SYTL2: variants seen among roughly 807,000 people sequenced by gnomAD.
SYTL2 encodes synaptotagmin-like protein 2.
SYTL2 carries 165 observed loss-of-function variants against 198.7 expected under a neutral mutation model. That is an observed-to-expected ratio of 0.83 (90% CI 0.73 to 0.94). SYTL2 has a LOEUF of 0.94. SYTL2 is among the 40% of genes least tolerant of loss of function. The probability of loss-of-function intolerance (pLI) is 0.00; values close to 1 mark genes in which losing one functional copy is unlikely to be tolerated. For missense variants in SYTL2, 2,835 were observed against 2,582.8 expected, an observed-to-expected ratio of 1.10 and a Z score of -2.12; for synonymous variants, 966 against 917.7, an observed-to-expected ratio of 1.05 and a Z score of -0.95.
chr11:85,721,611 CATTT>C (rs1231547892), intron 8 of SYTL2, among the ~76,000 whole-genome samples: 3 of 152,114 alleles, frequency 2.0e-5, no homozygotes, highest in African/African-American at 7.2e-5. Context: ...TAAGTACTGA[CATTT>C]ATTACTGCTG....
intron 2 of SYTL2, among the ~76,000 whole-genome samples, chr11:85,749,952 T>A (rs2091413216): frequency 6.6e-6 from 1 of 152,166 alleles, no homozygotes; most frequent in Admixed American, 6.5e-5. Flanking sequence ...TGGAGGAATA[T>A]CAGATGAGGC....
chr11:85,812,399 T>A (rs2093046743), upstream of SYTL2, among the ~76,000 whole-genome samples: 1 of 152,224 alleles, frequency 6.6e-6, no homozygotes, highest in South Asian at 2.1e-4. Context: ...TGCAGAGATG[T>A]GTATTCTGGC....
At chr11:85,722,955 T>C (rs777492791) in intron 8 of SYTL2, among the ~76,000 whole-genome samples, 8 of 152,142 alleles carry the variant, frequency 5.3e-5, no homozygotes, top group South Asian at 2.1e-4. Context: ...GTAAAGCTTA[T>C]CTATTTTCAC....
At chr11:85,797,872 G>C (rs1402333635) in intron 1 of SYTL2, among the ~76,000 whole-genome samples, 1 of 151,818 alleles carries the variant, frequency 6.6e-6, no homozygotes, top group Non-Finnish European at 1.5e-5. Flanking sequence ...CTTGCTGCTT[G>C]AGAAGGAGTC....
rs954383099 is a variant in SYTL2, at chr11:85,786,919, T to G, written c.-390+24035A>C. ...ACCCTCTCAGTGCCTAGCACAATGC[T>G]CAACCCAGAGTAGAGCCTGAATAAA... is the stretch of plus-strand genomic sequence containing the variant. On this transcript the variant is annotated intron_variant, in intron 1 of 19. Coordinates refer to ENST00000359152, the MANE Select transcript of SYTL2 (RefSeq NM_206927.4). Among the ~76,000 whole-genome samples the G allele has an allele frequency of 4.6e-5, 7 of 152,208 alleles. No homozygotes were observed. The East Asian group carries it at 7.7e-4, about 17-fold the overall frequency.
chr11:85,808,149 C>A (rs985162110), intron 1 of SYTL2, among the ~76,000 whole-genome samples: 1 of 152,158 alleles, frequency 6.6e-6, no homozygotes, highest in African/African-American at 2.4e-5. Flanking sequence ...TCACTGCAAC[C>A]TCCGCCTCCC....
intron 2 of SYTL2, 121 bp from the exon 3 acceptor site, chr11:85,748,544 G>A: frequency 8.9e-7 from 1 of 1,126,706 alleles, no homozygotes; most frequent in East Asian, 2.5e-5. Context: ...TATTTCAGAT[G>A]ATCCCAGAAA....
the SYTL2 span, among the ~76,000 whole-genome samples, chr11:85,840,507 A>G: frequency 6.6e-6 from 1 of 152,208 alleles, no homozygotes; most frequent in African/African-American, 2.4e-5. Context: ...CCAAAACAGC[A>G]TGGTACTGGT....
chr11:85,833,026 A>G, the SYTL2 span, among the ~76,000 whole-genome samples: 3 of 17,488 alleles, frequency 1.7e-4, 1 homozygote, highest in African/African-American at 6.0e-4. Context: ...AAAGAAAGAA[A>G]GAAAGAAAGA....
At chr11:85,794,700 GA>G (rs974748250) in intron 1 of SYTL2, among the ~76,000 whole-genome samples, 6 of 151,700 alleles carry the variant, frequency 4.0e-5, no homozygotes, top group African/African-American at 1.2e-4. Context: ...TTGAAGGGAG[GA>G]AAAAAAATCA....
At chr11:85,699,586 G>A (rs7946536) in intron 17 of SYTL2, among the ~76,000 whole-genome samples, 5,991 of 151,960 alleles carry the variant, frequency 0.039, 382 homozygotes, top group African/African-American at 0.14. Context: ...GGCGGGGGGC[G>A]GTATAAACTA....
chr11:85,741,378 T>G lies in SYTL2; in HGVS notation c.390-3722A>C, dbSNP rs80149333. 1.8e-4 allele frequency among the ~76,000 whole-genome samples: 27 copies of G among 152,330 alleles called. No individual in the cohort carries two copies. In the East Asian group the frequency reaches 4.2e-3, roughly 24 times the overall value. ...GTAAAATATTACTTGTGAGTATACA[T>G]AGTTCTCCAGTGTTCCCACTGTTCA... On this transcript the variant is annotated intron_variant, in intron 4 of 19. Transcript: ENST00000359152.
intron 18 of SYTL2, 66 bp from the exon 19 acceptor site, chr11:85,696,454 A>G (rs1286516725): frequency 1.1e-5 from 13 of 1,221,104 alleles, no homozygotes; most frequent in Admixed American, 3.4e-5. Context: ...CTTTCAATAC[A>G]TAACAACACA....
chr11:85,808,886 T>TA (rs11311179), intron 1 of SYTL2, among the ~76,000 whole-genome samples: 7,367 of 147,562 alleles, frequency 0.05, 249 homozygotes, highest in Non-Finnish European at 0.07. Flanking sequence ...CCTCTTAATT[T>TA]AAAAAAAAAA....
chr11:85,796,082 T>C (rs559672951), intron 1 of SYTL2, among the ~76,000 whole-genome samples: 3 of 152,308 alleles, frequency 2.0e-5, no homozygotes, highest in Admixed American at 6.5e-5. Flanking sequence ...TGATTATTAT[T>C]TTATGAAGTT....
At chr11:85,806,002 G>C (rs1221771799) in intron 1 of SYTL2, among the ~76,000 whole-genome samples, 1 of 152,228 alleles carries the variant, frequency 6.6e-6, no homozygotes, top group Non-Finnish European at 1.5e-5. Context: ...AAGTGGTTTT[G>C]TAGGTTGCAG....
intron 8 of SYTL2, among the ~76,000 whole-genome samples, chr11:85,722,396 G>A (rs1390975789): frequency 6.6e-6 from 1 of 151,900 alleles, no homozygotes; most frequent in African/African-American, 2.4e-5. Context: ...GGATGGTCTC[G>A]ATATCCTCAC....
intron 1 of SYTL2, among the ~76,000 whole-genome samples, chr11:85,777,217 T>C: frequency 6.6e-6 from 1 of 152,186 alleles, no homozygotes; most frequent in East Asian, 1.9e-4. Context: ...CAGAAATGGG[T>C]GGCCCCAAGC....
chr11:85,844,624 C>A, the SYTL2 span, among the ~76,000 whole-genome samples: 1 of 152,130 alleles, frequency 6.6e-6, no homozygotes, highest in Non-Finnish European at 1.5e-5. Flanking sequence ...TAACTTGAGC[C>A]AAAGAGATGA....
Sources: allele counts gnomAD v4.1 joint callset (sites outside exome capture counted in the v4.1 genomes callset), GRCh38; gene constraint gnomAD v4.1.1; transcripts MANE v1.5; gene names NCBI Gene and HGNC (gene_info 2026-07-23, HGNC 2026-07-21).